PRMT1: variants seen among roughly 807,000 people sequenced by gnomAD.
PRMT1 encodes the protein protein arginine methyltransferase 1.
In PRMT1, 5 loss-of-function variants were observed where a neutral mutation model predicts 47.4. That is an observed-to-expected ratio of 0.11 (90% CI 0.06 to 0.22). The LOEUF (loss-of-function observed/expected upper bound fraction) is 0.22. PRMT1 is among the 10% of genes least tolerant of loss of function. PRMT1 has a pLI of 1.00. For synonymous variants in PRMT1, 227 were observed against 204.6 expected (o/e 1.11, Z -0.94); for missense variants, 249 against 518.4 (o/e 0.48, Z 5.05).
rs781412610 is a variant in PRMT1 at position 49,681,883 on chromosome 19, G to A, written c.193-27G>A. The stretch of plus-strand genomic sequence containing the variant: ...CAGCTGGGGATATGGGGCCCCTCAC[G>A]GCGTCTCTGTGCCATTCTTGCCCTA... On this transcript the variant is annotated intron_variant, in intron 3 of 10. Coordinates refer to ENST00000454376, the MANE Select transcript of PRMT1 (RefSeq NM_001536.6). This position sits in a 1 kb window ranked among gnomAD's most constrained non-coding sequence, Gnocchi z 4.4. 2.5e-6 allele frequency: 4 copies of A among 1,599,058 alleles called. No individual in the cohort carries two copies. Among genetic ancestry groups the A allele is most frequent in the Admixed American group, 1.7e-5 (1 of 59,288 alleles).
intron 5 of PRMT1, among the ~76,000 whole-genome samples, chr19:49,682,491 A>G (rs955722481): frequency 6.6e-6 from 1 of 152,228 alleles, no homozygotes; most frequent in Non-Finnish European, 1.5e-5. Context: ...AATGAGTAAT[A>G]GAGTCACGTG....
chr19:49,676,511 A>G (rs1461019202), upstream of PRMT1: 1 of 152,162 alleles, frequency 6.6e-6, no homozygotes, highest in Non-Finnish European at 1.5e-5. Flanking sequence ...GGTTTTAAAA[A>G]ACTTGGAATG....
chr19:49,685,359 G>A lies in PRMT1; in HGVS notation c.759+322G>A. 3 of 1,275,146 alleles carry A rather than the reference G, an allele frequency of 2.4e-6. No individual in the cohort carries two copies. The highest frequency in any genetic ancestry group is 3.0e-6 in the Non-Finnish European group (3 of 998,252). The allele number at this position is 1,275,146 out of a possible 1,614,324, so 79.0% of individuals were successfully genotyped here. A position where few individuals can be genotyped will look rare whatever the true frequency, so the allele number is the denominator to read the frequency against. On this transcript the variant is annotated intron_variant, in intron 8 of 10. Coordinates refer to ENST00000454376, the MANE Select transcript of PRMT1 (RefSeq NM_001536.6). The surrounding 1 kb of genome is among the most constrained non-coding windows in gnomAD (Gnocchi z 4.7). The stretch of plus-strand genomic sequence containing the variant: ...CGGATGCACATGCACGCGGGCCACT[G>A]CAGAAGAGCACGGGGCCAGGCTGGG...
At position 49,688,268 on chromosome 19, in the gene PRMT1, C is replaced by T. The variant is rs758620110; in HGVS notation, c.*23C>T. On this transcript the variant is annotated 3_prime_UTR_variant, in exon 11 of 11. Transcript: ENST00000454376. The surrounding 1 kb of genome is among the most constrained non-coding windows in gnomAD (Gnocchi z 5.3). Reference sequence around the variant, plus strand: ...TGAGGCCCGGCTCTCCCGCCCTGCACGAGCCCAGGGGCTGAGCGTTCCTAG... The same window carrying T: ...TGAGGCCCGGCTCTCCCGCCCTGCATGAGCCCAGGGGCTGAGCGTTCCTAG... 38 of 1,610,682 alleles carry T rather than the reference C, an allele frequency of 2.4e-5. No individual in the cohort carries two copies. The East Asian group carries it at 4.5e-4, about 19-fold the overall frequency.
Position 49,683,988 on chromosome 19 carries a change from C to G in PRMT1, c.474C>G (p.Ile158Met). The stretch of plus-strand genomic sequence containing the variant: ...AGCTCCCAGTGGAGAAGGTGGACAT[C>G]ATCATCAGCGAGTGGATGGGCTACT... The part of the protein sequence containing the change: ...EVELPVEKVD[I>M]IISEWMGYCL... Residue 158 changes from isoleucine (I) to methionine (M), a missense_variant, in exon 6 of 11, where the codon ATC becomes ATG. By Grantham distance (10) the Ile-to-Met change is conservative (BLOSUM62 1). Transcript: ENST00000454376. 1 of 1,614,112 alleles carries G rather than the reference C, an allele frequency of 6.2e-7. No individual in the cohort carries two copies. Among genetic ancestry groups the G allele is most frequent in the Non-Finnish European group, 8.5e-7 (1 of 1,180,018 alleles).
rs1228524541 is a variant in PRMT1, at chr19:49,688,138, C to T, written c.1033-24C>T. ...CCACCACCTCCTGGTGGGTTCCGCCCTCATGCCCCACCTCTCCCTGCAGCG... is the reference window on the plus strand; with the variant it reads ...CCACCACCTCCTGGTGGGTTCCGCCTTCATGCCCCACCTCTCCCTGCAGCG... On this transcript the variant is annotated intron_variant, in intron 10 of 10. Transcript: ENST00000454376. This position sits in a 1 kb window ranked among gnomAD's most constrained non-coding sequence, Gnocchi z 5.3. The T allele has an allele frequency of 8.1e-6, 13 of 1,610,514 alleles. No homozygotes were observed. The highest frequency in any genetic ancestry group is 1.7e-5 in the Admixed American group (1 of 59,994).
chr19:49,683,108 ATGGTTTCACCATGTTGGCCAGGC>A (rs1171513192), intron 5 of PRMT1, among the ~76,000 whole-genome samples: 16 of 150,370 alleles, frequency 1.1e-4, no homozygotes, highest in Non-Finnish European at 2.2e-4. Flanking sequence ...TAGTTGAGAC[ATGGTTTCACCATGTTGGCCAGGC>A]TGGTCTTGAA....
Position 49,685,992 on chromosome 19 carries a change from G to A in PRMT1, c.760-101G>A. On this transcript the variant is annotated intron_variant, in intron 8 of 10. Coordinates refer to ENST00000454376, the MANE Select transcript of PRMT1 (RefSeq NM_001536.6). This position sits in a 1 kb window ranked among gnomAD's most constrained non-coding sequence, Gnocchi z 4.7. ...CCAGTGAGGGAGGGCTAGCAGGAAG[G>A]GGACAGCGAGGTCACAGGCCCTCTG... The A allele has an allele frequency of 6.6e-7, 1 of 1,517,728 alleles. No individual in the cohort carries two copies. The highest frequency in any genetic ancestry group is 1.4e-5 in the African/African-American group (1 of 72,516). The allele number at this position is 1,517,728 out of a possible 1,614,324, so 94.0% of individuals were successfully genotyped here. A position where few individuals can be genotyped will look rare whatever the true frequency, so the allele number is the denominator to read the frequency against.
At chr19:49,677,023 G>A (rs2082044730), upstream of PRMT1, 1 of 390,020 alleles carries the variant, frequency 2.6e-6, no homozygotes, top group Non-Finnish European at 4.5e-6. Flanking sequence ...CAATAGACGG[G>A]CAGTTTTCCC....
intron 1 of PRMT1, among the ~76,000 whole-genome samples, chr19:49,678,785 C>T (rs1407001160): frequency 6.6e-6 from 1 of 152,044 alleles, no homozygotes; most frequent in African/African-American, 2.4e-5. Context: ...GAGGAAATAA[C>T]TTTCCCAGAG....
upstream of PRMT1, chr19:49,677,126 A>G (rs1327453304): frequency 1.6e-5 from 9 of 578,836 alleles, no homozygotes; most frequent in South Asian, 3.4e-4. Context: ...CAATTACTAG[A>G]CGGTATTCTC....
chr19:49,685,198 G>A lies in PRMT1; in HGVS notation c.759+161G>A, dbSNP rs545026134. On this transcript the variant is annotated intron_variant, in intron 8 of 10. Transcript: ENST00000454376. This position sits in a 1 kb window ranked among gnomAD's most constrained non-coding sequence, Gnocchi z 4.7. ...GCTAGAGGCCCAGGAAAGACACTTC[G>A]TCCTTTAAATATCTTTGTGAGCGCT... The A allele has an allele frequency of 5.3e-5, 82 of 1,536,680 alleles. 1 individual carries two copies. The highest frequency in any genetic ancestry group is 4.9e-4 in the South Asian group (41 of 83,158).
intron 5 of PRMT1, among the ~76,000 whole-genome samples, chr19:49,682,647 C>G (rs1485726149): frequency 6.6e-6 from 1 of 152,170 alleles, no homozygotes; most frequent in Non-Finnish European, 1.5e-5. Flanking sequence ...GCATAATTTT[C>G]ACGCCAGTAG....
At chr19:49,682,138 G>A in intron 4 of PRMT1, 58 bp from the exon 5 acceptor site, 1 of 1,613,824 alleles carries the variant, frequency 6.2e-7, no homozygotes, top group African/African-American at 1.3e-5. Flanking sequence ...TCAGGGATTG[G>A]ATGGAGGTGA....
At chr19:49,682,782 T>A (rs1361649005) in intron 5 of PRMT1, among the ~76,000 whole-genome samples, 34 of 99,014 alleles carry the variant, frequency 3.4e-4, no homozygotes, top group African/African-American at 1.3e-3. Context: ...CCCCAGCATT[T>A]TTTTTTTTTT....
chr19:49,685,320 C>T lies in PRMT1; in HGVS notation c.759+283C>T, dbSNP rs1280128254. On this transcript the variant is annotated intron_variant, in intron 8 of 10. Transcript: ENST00000454376. This position sits in a 1 kb window ranked among gnomAD's most constrained non-coding sequence, Gnocchi z 4.7. ...CAGCCCATGCACGGAAAGGCAGGAC[C>T]CCAGGGCGATGAGCGGATGCACATG... 2.9e-6 allele frequency: 4 copies of T among 1,356,334 alleles called. No homozygotes were observed. Among genetic ancestry groups the T allele is most frequent in the Non-Finnish European group, 3.8e-6 (4 of 1,048,182 alleles). 84.0% of individuals were successfully genotyped at this position (1,356,334 alleles called of 1,614,324 possible).
At chr19:49,683,098 T>C (rs1335289524) in intron 5 of PRMT1, among the ~76,000 whole-genome samples, 1 of 151,608 alleles carries the variant, frequency 6.6e-6, no homozygotes, top group East Asian at 2.0e-4. Context: ...TGTATTTTTT[T>C]AGTTGAGACA....
chr19:49,688,065 GC>G lies in PRMT1; in HGVS notation c.1033-96del, dbSNP rs1476509208. 8 of 1,095,134 alleles carry G rather than the reference GC, an allele frequency of 7.3e-6. No individual in the cohort carries two copies. Among genetic ancestry groups the G allele is most frequent in the Non-Finnish European group, 9.9e-6 (7 of 708,500 alleles). The allele number at this position is 1,095,134 out of a possible 1,614,324, so 67.8% of individuals were successfully genotyped here. ...TCTGCAGCGTGGAGATGGGCAGGAA[GC>G]TGGAGCCCGGCTCATCGTCGCATAG... On this transcript the variant is annotated intron_variant, in intron 10 of 10. Transcript: ENST00000454376. This position sits in a 1 kb window ranked among gnomAD's most constrained non-coding sequence, Gnocchi z 5.3.
At chr19:49,676,554 A>G (rs1226060657), upstream of PRMT1, 1 of 152,220 alleles carries the variant, frequency 6.6e-6, no homozygotes, top group African/African-American at 2.4e-5. Flanking sequence ...TAATGTGTTG[A>G]CGACGGACTC....
Sources: allele counts gnomAD v4.1 joint callset (sites outside exome capture counted in the v4.1 genomes callset), GRCh38; gene constraint gnomAD v4.1.1; non-coding constraint Gnocchi (gnomAD v3.1); transcripts MANE v1.5; gene names NCBI Gene and HGNC (gene_info 2026-07-23, HGNC 2026-07-21).